Variants in HAO1 observed in about 807,000 individuals in gnomAD.
HAO1 encodes 2-Hydroxyacid oxidase 1.
Under a neutral mutation model 39.7 loss-of-function variants are expected in HAO1, and 34 were observed. The observed-to-expected ratio is 0.86, with a 90% CI of 0.65 to 1.14. The LOEUF is 1.14. Among genes scored for constraint, HAO1 ranks in the 50% most tolerant of loss-of-function variants. The pLI, the probability that HAO1 is intolerant of heterozygous loss-of-function variation, is 0.00. For synonymous variants in HAO1, 172 were observed against 173.2 expected, an observed-to-expected ratio of 0.99 and a Z score of 0.05; for missense variants, 479 against 464.5, an observed-to-expected ratio of 1.03 and a Z score of -0.29.
At chr20:7,926,047 G>A (rs898123505) in intron 2 of HAO1, among the ~76,000 whole-genome samples, 10 of 151,796 alleles carry the variant, frequency 6.6e-5, no homozygotes, top group African/African-American at 2.2e-4. Flanking sequence ...TATGTAATAC[G>A]GATGTGTGTT....
intron 2 of HAO1, among the ~76,000 whole-genome samples, chr20:7,915,230 T>C (rs1224304994): frequency 6.6e-6 from 1 of 152,210 alleles, no homozygotes; most frequent in Non-Finnish European, 1.5e-5. Context: ...AGGTGTTTTT[T>C]AGATGAGATT....
At position 7,887,938 on chromosome 20, in the gene HAO1, CAAAAT is replaced by C. The variant is rs551310970; in HGVS notation, c.814-2079_814-2075del. 1.4e-4 allele frequency among the ~76,000 whole-genome samples: 22 copies of C among 152,188 alleles called. No homozygotes were observed. The East Asian group carries it at 4.3e-3, about 30-fold the overall frequency. On this transcript the variant is annotated intron_variant, in intron 5 of 7. Coordinates refer to ENST00000378789, the MANE Select transcript of HAO1 (RefSeq NM_017545.3). Reference sequence around the variant, plus strand: ...GCAGTTTTACTAGGTGTATATTACACAAAATAATTCTGATCAAACAGATTAGATAA... The same window carrying C: ...GCAGTTTTACTAGGTGTATATTACACAATTCTGATCAAACAGATTAGATAA...
intron 1 of HAO1, among the ~76,000 whole-genome samples, chr20:7,936,606 T>C (rs1340531897): frequency 2.0e-5 from 3 of 149,916 alleles, no homozygotes; most frequent in Non-Finnish European, 4.4e-5. Flanking sequence ...CAAATTCCCA[T>C]TTATAAAGCA....
At chr20:7,932,221 A>T (rs2050389031) in intron 2 of HAO1, among the ~76,000 whole-genome samples, 1 of 152,190 alleles carries the variant, frequency 6.6e-6, no homozygotes. Context: ...AGGCCTCCCC[A>T]GCCATGTAGA....
At chr20:7,885,262 A>C (rs2050145319) in intron 7 of HAO1, among the ~76,000 whole-genome samples, 1 of 152,188 alleles carries the variant, frequency 6.6e-6, no homozygotes, top group Non-Finnish European at 1.5e-5. Flanking sequence ...GAGATGAGGA[A>C]GAATATGATG....
At chr20:7,927,334 G>T (rs1232508626) in intron 2 of HAO1, among the ~76,000 whole-genome samples, 1 of 151,812 alleles carries the variant, frequency 6.6e-6, no homozygotes, top group African/African-American at 2.4e-5. Flanking sequence ...AATATTCATA[G>T]AAATAATTTT....
At chr20:7,917,562 C>A (rs2050312860) in intron 2 of HAO1, among the ~76,000 whole-genome samples, 1 of 152,032 alleles carries the variant, frequency 6.6e-6, no homozygotes, top group African/African-American at 2.4e-5. Flanking sequence ...TTGCCATGTG[C>A]ATGAGAGACA....
intron 4 of HAO1, among the ~76,000 whole-genome samples, chr20:7,902,001 G>T (rs180888537): frequency 7.2e-5 from 11 of 152,308 alleles, no homozygotes; most frequent in African/African-American, 2.6e-4. Flanking sequence ...TGACTAAATT[G>T]CTGCAATCAT....
At chr20:7,937,657 G>GA (rs34819349) in intron 1 of HAO1, among the ~76,000 whole-genome samples, 6 of 151,756 alleles carry the variant, frequency 4.0e-5, no homozygotes, top group Non-Finnish European at 8.8e-5. Context: ...GATAATTTCA[G>GA]AAAAAAAAGC....
intron 4 of HAO1, among the ~76,000 whole-genome samples, chr20:7,899,028 C>T (rs538487089): frequency 6.6e-6 from 1 of 151,994 alleles, no homozygotes; most frequent in African/African-American, 2.4e-5. Context: ...TATAGCTCTC[C>T]AGTTTATATT....
chr20:7,923,719 A>G (rs1335147478), intron 2 of HAO1, among the ~76,000 whole-genome samples: 1 of 152,150 alleles, frequency 6.6e-6, no homozygotes, highest in Non-Finnish European at 1.5e-5. Context: ...GAGGAATCAC[A>G]TGGGTATGTT....
chr20:7,930,084 A>G (rs1002341240), intron 2 of HAO1, among the ~76,000 whole-genome samples: 4 of 152,066 alleles, frequency 2.6e-5, no homozygotes, highest in African/African-American at 4.8e-5. Flanking sequence ...GTGGGCACCA[A>G]TGGGTTTCAC....
chr20:7,940,302 T>C lies in HAO1; in HGVS notation c.121A>G (p.Ile41Val). 6.2e-7 allele frequency: 1 copy of C among 1,604,736 alleles called. No individual in the cohort carries two copies. The highest frequency in any genetic ancestry group is 8.5e-7 in the Non-Finnish European group (1 of 1,177,236). Residue 41 changes from isoleucine (I) to valine (V), a missense_variant, in exon 1 of 8, where the codon ATT (isoleucine) becomes GTT (valine). Coordinates refer to ENST00000378789, the MANE Select transcript of HAO1 (RefSeq NM_017545.3). ...ANDEETLADN[I>V]AAFSRWKLYP... ...TTTTCTTACCTGGAAAATGCTGCAA[T>C]ATTATCAGCCAAAGTTTCTTCATCA... is the stretch of plus-strand genomic sequence containing the variant.
chr20:7,907,198 CA>C (rs1288586587), intron 3 of HAO1, among the ~76,000 whole-genome samples: 2 of 152,182 alleles, frequency 1.3e-5, no homozygotes, highest in African/African-American at 4.8e-5. Context: ...TCTGCTGACT[CA>C]AACTTCTCTA....
intron 4 of HAO1, among the ~76,000 whole-genome samples, chr20:7,903,193 A>G (rs1165766529): frequency 1.3e-5 from 2 of 152,326 alleles, no homozygotes; most frequent in East Asian, 3.9e-4. Flanking sequence ...TTGTTAAATA[A>G]AAGAACCAAA....
chr20:7,913,390 C>A (rs1056538267), intron 3 of HAO1, among the ~76,000 whole-genome samples: 5 of 152,130 alleles, frequency 3.3e-5, no homozygotes, highest in Non-Finnish European at 5.9e-5. Flanking sequence ...ATGAAAAATC[C>A]AAGAGCACAT....
intron 2 of HAO1, among the ~76,000 whole-genome samples, chr20:7,915,866 G>C (rs964720285): frequency 4.6e-5 from 7 of 152,130 alleles, no homozygotes; most frequent in African/African-American, 1.2e-4. Flanking sequence ...ACATGCTAAT[G>C]ATGGGTGGGA....
chr20:7,921,593 C>T (rs565545236), intron 2 of HAO1, among the ~76,000 whole-genome samples: 3 of 152,170 alleles, frequency 2.0e-5, no homozygotes, highest in African/African-American at 7.2e-5. Context: ...TCCAGCAATC[C>T]CACTAACTGG....
chr20:7,891,486 A>G (rs2050173914), intron 5 of HAO1, among the ~76,000 whole-genome samples: 1 of 151,990 alleles, frequency 6.6e-6, no homozygotes, highest in Non-Finnish European at 1.5e-5. Flanking sequence ...CTCCCATTCC[A>G]TGGATTGTCT....
Sources: allele counts gnomAD v4.1 joint callset (sites outside exome capture counted in the v4.1 genomes callset), GRCh38; gene constraint gnomAD v4.1.1; transcripts MANE v1.5; gene names NCBI Gene and HGNC (gene_info 2026-07-23, HGNC 2026-07-21).